TTLL12: variants seen among roughly 807,000 people sequenced by gnomAD.
TTLL12 encodes the protein tubulin--tyrosine ligase-like protein 12.
Under a neutral mutation model 79.6 loss-of-function variants are expected in TTLL12, and 77 were observed. That is an observed-to-expected ratio of 0.97 (90% CI 0.81 to 1.17). TTLL12 has a LOEUF of 1.17. Ranked by LOEUF, TTLL12 falls within the 50% of genes most tolerant of loss-of-function variation. The pLI is 0.00. For missense variants in TTLL12, 969 were observed against 895.9 expected (o/e 1.08, Z -1.04); for synonymous variants, 437 against 376.1 (o/e 1.16, Z -1.87).
At chr22:43,181,465 C>T (rs1932054547) in intron 2 of TTLL12, among the ~76,000 whole-genome samples, 1 of 152,248 alleles carries the variant, frequency 6.6e-6, no homozygotes, top group South Asian at 2.1e-4. Context: ...AGGCCTCACC[C>T]ACGCAGCCAG....
At chr22:43,180,972 G>A (rs763245294) in intron 2 of TTLL12, 32 bp from the exon 3 acceptor site, 9 of 1,595,468 alleles carry the variant, frequency 5.6e-6, no homozygotes, top group Middle Eastern at 2.1e-4. Context: ...TGAGGCTGCC[G>A]GGTGGGCATG....
chr22:43,184,549 C>T (rs940170816), intron 1 of TTLL12, among the ~76,000 whole-genome samples: 1 of 152,220 alleles, frequency 6.6e-6, no homozygotes, highest in African/African-American at 2.4e-5. Context: ...GGCCTGGAGG[C>T]AGATAGCCCA....
In TTLL12 at chr22:43,172,344, G is replaced by T. The variant is rs1173891289; in HGVS notation, c.1493+59C>A. Reference sequence around the variant, plus strand: ...TCCAAAAAGGGCCCATCACCCACCCGCTACCTCCACCCGGTCACCCAGCTC... The same window carrying T: ...TCCAAAAAGGGCCCATCACCCACCCTCTACCTCCACCCGGTCACCCAGCTC... On this transcript the variant is annotated intron_variant, in intron 10 of 13. Coordinates refer to ENST00000216129, the MANE Select transcript of TTLL12 (RefSeq NM_015140.4). 5.6e-6 allele frequency: 9 copies of T among 1,594,452 alleles called. No individual in the cohort carries two copies. The East Asian group carries it at 2.0e-4, about 36-fold the overall frequency.
At position 43,168,428 on chromosome 22, in the gene TTLL12, TA is replaced by T. The variant is rs5845587; in HGVS notation, c.1784-270del. On this transcript the variant is annotated intron_variant, in intron 13 of 13. Coordinates refer to ENST00000216129, the MANE Select transcript of TTLL12 (RefSeq NM_015140.4). ...CTTTAAGCTTGGATGTTCAGTTTAG[TA>T]AAAAAAAAAAAAAGTAGATATGCAG... is the stretch of plus-strand genomic sequence containing the variant. 3.3e-3 allele frequency among the ~76,000 whole-genome samples: 487 copies of T among 146,666 alleles called. 4 individuals are homozygous for T. The highest frequency in any genetic ancestry group is 4.8e-3 in the Non-Finnish European group (319 of 66,584).
In TTLL12 at chr22:43,171,881, G is replaced by A. The variant is rs1931774955; in HGVS notation, c.1513C>T (p.Leu505=). 1.2e-6 allele frequency: 2 copies of A among 1,614,180 alleles called. No homozygotes were observed. Among genetic ancestry groups the A allele is most frequent in the Non-Finnish European group, 8.5e-7 (1 of 1,180,014 alleles). Residue 505 remains leucine, a synonymous_variant, in exon 11 of 14, where the codon CTG becomes TTG. Coordinates refer to ENST00000216129, the MANE Select transcript of TTLL12 (RefSeq NM_015140.4). ...GTGAAGTGCTTCTCGTAGTCATCCA[G>A]GTCGTTGAGTGCAAAGGCCCTGGAA... ...FSNRAFALND[L]DDYEKHFTVM...
rs200712872 is a variant in TTLL12 at position 43,172,404 on chromosome 22, G to C, written c.1492C>G (p.Arg498Gly). The C allele has an allele frequency of 1.6e-4, 266 of 1,613,842 alleles. No homozygotes were observed. Among genetic ancestry groups the C allele is most frequent in the Non-Finnish European group, 2.2e-4 (256 of 1,179,942 alleles). The change falls in exon 10 of 14, where the codon CGG becomes GGG. Residue 498 changes from arginine (R) to glycine (G), a missense_variant and splice_region_variant. Arg to Gly is a moderately radical substitution (Grantham distance 125, BLOSUM62 -2). Coordinates refer to ENST00000216129, the MANE Select transcript of TTLL12 (RefSeq NM_015140.4). ...YDVFWLRFSN[R>G]AFALNDLDDY... ...GGACCCAGCCGGCCCTCCACTTACC[G>C]GTTGGAGAACCGCAGCCAGAACACA...
Position 43,179,905 on chromosome 22 carries a change from G to A in TTLL12, c.642C>T (p.Phe214=), listed in dbSNP as rs773707631. The A allele has an allele frequency of 3.7e-6, 6 of 1,611,100 alleles. No individual in the cohort carries two copies. Among genetic ancestry groups the A allele is most frequent in the Non-Finnish European group, 5.1e-6 (6 of 1,179,898 alleles). The change falls in exon 4 of 14, where the codon TTC becomes TTT. Residue 214 remains phenylalanine, a synonymous_variant. Coordinates refer to ENST00000216129, the MANE Select transcript of TTLL12 (RefSeq NM_015140.4). ...ADVPSFATAP[F]FYMPQQVAYT... ...AGGCCACCTGCTGCGGCATGTAGAAGAAGGGTGCCGTGGCGAAGCTGGGCA... is the reference window on the plus strand; with the variant it reads ...AGGCCACCTGCTGCGGCATGTAGAAAAAGGGTGCCGTGGCGAAGCTGGGCA...
chr22:43,169,944 T>C (rs2147066166), intron 11 of TTLL12: 1 of 454,588 alleles, frequency 2.2e-6, no homozygotes, highest in Admixed American at 2.4e-5. Flanking sequence ...CTCAGTACAG[T>C]GCGAAGGAGG....
chr22:43,166,992 CA>C lies in TTLL12; in HGVS notation c.*1015del. ...TGGGCCCAGGCACACTGCAGCCACA[CA>C]AAAACGCTGGCAGCTGACTCCTAAT... is the stretch of plus-strand genomic sequence containing the variant. On this transcript the variant is annotated 3_prime_UTR_variant, in exon 14 of 14. Transcript: ENST00000216129. The C allele has an allele frequency of 6.0e-6, 2 of 330,776 alleles. No individual in the cohort carries two copies. The allele number at this position is 330,776 out of a possible 1,614,324, so 20.5% of individuals were successfully genotyped here.
chr22:43,186,913 G>C lies in TTLL12; in HGVS notation c.157C>G (p.Leu53Val). The C allele has an allele frequency of 1.5e-6, 2 of 1,353,738 alleles. No homozygotes were observed. The highest frequency in any genetic ancestry group is 1.9e-6 in the Non-Finnish European group (2 of 1,050,952). The allele number at this position is 1,353,738 out of a possible 1,614,324, so 83.9% of individuals were successfully genotyped here. ...CGCACCTCGTGCTCCAGCTTGTGCA[G>C]GAGGCGGCCCCAGTAACGTTCGGGG... ...GVPERYWGRL[L>V]HKLEHEVFDA... Residue 53 changes from leucine to valine, a missense_variant, in exon 1 of 14, where the codon CTG becomes GTG. Leu to Val is a conservative substitution (Grantham distance 32, BLOSUM62 1). Transcript: ENST00000216129.
chr22:43,169,999 A>G (rs889832012), intron 11 of TTLL12: 21 of 408,512 alleles, frequency 5.1e-5, no homozygotes, highest in Admixed American at 1.0e-4. Flanking sequence ...GCCCTGGTTC[A>G]GCACCAGCTC....
chr22:43,171,583 A>G, intron 11 of TTLL12: 1 of 489,578 alleles, frequency 2.0e-6, no homozygotes, highest in Non-Finnish European at 3.8e-6. Context: ...TGTCCACATT[A>G]TCTCAAACAC....
In TTLL12 at chr22:43,179,832, T is replaced by C. The variant is rs1225212926; in HGVS notation, c.706+9A>G. The stretch of plus-strand genomic sequence containing the variant: ...CCCCTCCTCCAGGGCGGGCAGGTGC[T>C]GGACTTACCGCCAGTGTCCAGGTCC... On this transcript the variant is annotated intron_variant, in intron 4 of 13. Coordinates refer to ENST00000216129, the MANE Select transcript of TTLL12 (RefSeq NM_015140.4). The C allele has an allele frequency of 6.3e-7, 1 of 1,578,496 alleles. No homozygotes were observed. Among genetic ancestry groups the C allele is most frequent in the Admixed American group, 1.8e-5 (1 of 56,746 alleles).
At chr22:43,169,634 G>C (rs1297932237) in intron 11 of TTLL12, 66 bp from the exon 12 acceptor site, 1 of 1,541,184 alleles carries the variant, frequency 6.5e-7, no homozygotes, top group South Asian at 1.2e-5. Flanking sequence ...CAGGCAGCCT[G>C]CTACTGCCTG....
rs76047333 is a variant in TTLL12, at chr22:43,171,477, C to G, written c.1575+342G>C. Among the ~76,000 whole-genome samples the G allele has an allele frequency of 6.7e-3, 1,026 of 152,310 alleles. 10 individuals are homozygous for G. Among genetic ancestry groups the G allele is most frequent in the African/African-American group, 0.023 (961 of 41,570 alleles). On this transcript the variant is annotated intron_variant, in intron 11 of 13. Coordinates refer to ENST00000216129, the MANE Select transcript of TTLL12 (RefSeq NM_015140.4). Reference sequence around the variant, plus strand: ...CCGCCCCCGCCTGCCCTGGCACTCACAGGGTGGTCTGCTTTTCCGGTTGAA... The same window carrying G: ...CCGCCCCCGCCTGCCCTGGCACTCAGAGGGTGGTCTGCTTTTCCGGTTGAA...
rs565043017 is a variant in TTLL12 at position 43,171,487 on chromosome 22, TGCTTTTCCG to T, written c.1575+323_1575+331del. 1.4e-3 allele frequency: 362 copies of T among 263,362 alleles called. 1 individual carries two copies. The highest frequency in any genetic ancestry group is 2.3e-3 in the Non-Finnish European group (298 of 132,304). 16.3% of individuals were successfully genotyped at this position (263,362 alleles called of 1,614,324 possible). A position where few individuals can be genotyped will look rare whatever the true frequency, so the allele number is the denominator to read the frequency against. ...CTGCCCTGGCACTCACAGGGTGGTC[TGCTTTTCCG>T]GTTGAAGTGGTGGTGAGGAGTAAGC... is the stretch of plus-strand genomic sequence containing the variant. On this transcript the variant is annotated intron_variant, in intron 11 of 13. Coordinates refer to ENST00000216129, the MANE Select transcript of TTLL12 (RefSeq NM_015140.4).
In TTLL12 at chr22:43,179,705, G is replaced by A. The variant is rs767983108; in HGVS notation, c.754C>T (p.Arg252Trp). ...GCCCAGGGCAGCAGCATGCACTTCCGGATCAGGGGGTCCGTCTCTCCGTAG... is the reference window on the plus strand; with the variant it reads ...GCCCAGGGCAGCAGCATGCACTTCCAGATCAGGGGGTCCGTCTCTCCGTAG... Reference protein sequence around the residue: ...FAYGETDPLIRKCMLLPWAPT... With the variant: ...FAYGETDPLIWKCMLLPWAPT... Residue 252 changes from arginine to tryptophan, a missense_variant, in exon 5 of 14, where the codon CGG (arginine) becomes TGG (tryptophan). Arg to Trp is a moderately radical substitution (Grantham distance 101). Coordinates refer to ENST00000216129, the MANE Select transcript of TTLL12 (RefSeq NM_015140.4). The A allele has an allele frequency of 8.3e-6, 13 of 1,566,962 alleles. No individual in the cohort carries two copies. The highest frequency in any genetic ancestry group is 1.0e-5 in the Non-Finnish European group (12 of 1,157,260).
At chr22:43,183,273 G>A (rs1932104628) in intron 1 of TTLL12, 124 bp from the exon 2 acceptor site, 3 of 1,194,038 alleles carry the variant, frequency 2.5e-6, no homozygotes, top group Admixed American at 2.1e-5. Flanking sequence ...GTCTCCTTCA[G>A]AGGTGTGGGA....
chr22:43,177,360 C>T (rs945011660), intron 5 of TTLL12, among the ~76,000 whole-genome samples: 2 of 151,722 alleles, frequency 1.3e-5, no homozygotes, highest in African/African-American at 4.9e-5. Context: ...AAGCAAGACC[C>T]TATCTTTTTT....
Sources: gnomAD v4.1 joint callset for allele counts (sites outside exome capture counted in the v4.1 genomes callset) on GRCh38, gnomAD v4.1.1 for gene constraint, MANE v1.5 for transcripts, NCBI Gene and HGNC (gene_info 2026-07-23, HGNC 2026-07-21) for gene names.